TPRG1: variants seen among roughly 807,000 people sequenced by gnomAD.
TPRG1 encodes the protein tumor protein p63-regulated gene 1 protein.
In TPRG1, 29 loss-of-function variants were observed where a neutral mutation model predicts 29.3. The observed-to-expected ratio is 0.99, with a 90% confidence interval of 0.74 to 1.35. The LOEUF (loss-of-function observed/expected upper bound fraction) is 1.35. Ranked by LOEUF, TPRG1 falls within the 40% of genes most tolerant of loss-of-function variation. TPRG1 has a pLI of 0.00. For missense variants in TPRG1, 327 were observed against 335.0 expected (o/e 0.98, Z 0.19); for synonymous variants, 130 against 116.8 (o/e 1.11, Z -0.73).
chr3:189,008,105 G>A (rs1578184825), intron 3 of TPRG1, among the ~76,000 whole-genome samples: 1 of 150,846 alleles, frequency 6.6e-6, no homozygotes, highest in Non-Finnish European at 1.5e-5. Context: ...AATGATTCAA[G>A]GGATCCTACT....
At chr3:189,006,733 C>A (rs1712307214) in intron 3 of TPRG1, among the ~76,000 whole-genome samples, 1 of 152,024 alleles carries the variant, frequency 6.6e-6, no homozygotes, top group African/African-American at 2.4e-5. Flanking sequence ...GTAGTAATTT[C>A]TTTATATGCC....
intron 1 of TPRG1, among the ~76,000 whole-genome samples, chr3:189,179,187 ATTCT>A (rs1560518667): frequency 6.6e-6 from 1 of 152,116 alleles, no homozygotes; most frequent in African/African-American, 2.4e-5. Context: ...CACAGTTAAG[ATTCT>A]TTCTTTTTAC....
chr3:189,123,212 A>T (rs1722038107), intron 1 of TPRG1, among the ~76,000 whole-genome samples: 1 of 152,228 alleles, frequency 6.6e-6, no homozygotes, highest in Non-Finnish European at 1.5e-5. Context: ...TAGATGCAGC[A>T]ATAAAAAGAG....
rs1004399088 is a variant in TPRG1, at chr3:189,252,962, A to G, written c.479+14053A>G. Reference sequence around the variant, plus strand: ...ATTTTTAATTTCATTTACATATTGGAAAACAATACAGGGTGATTTGACAGG... The same window carrying G: ...ATTTTTAATTTCATTTACATATTGGGAAACAATACAGGGTGATTTGACAGG... On this transcript the variant is annotated intron_variant, in intron 4 of 5. Transcript: ENST00000345063. Among the ~76,000 whole-genome samples, 10 of 152,312 alleles carry G rather than the reference A, an allele frequency of 6.6e-5. No homozygotes were observed. The East Asian group carries it at 1.9e-3, about 29-fold the overall frequency.
At chr3:189,070,081 A>G (rs1445232325) in intron 4 of TPRG1, among the ~76,000 whole-genome samples, 1 of 152,060 alleles carries the variant, frequency 6.6e-6, no homozygotes, top group East Asian at 1.9e-4. Flanking sequence ...CTCCATTTCA[A>G]AAAAAGAAAA....
At chr3:189,056,078 TTCCTTCC>T (rs1715670541) in intron 4 of TPRG1, among the ~76,000 whole-genome samples, 1 of 129,940 alleles carries the variant, frequency 7.7e-6, no homozygotes, top group African/African-American at 2.8e-5. Flanking sequence ...CCTTCCTTCC[TTCCTTCC>T]TTCCTTCCTT....
At chr3:189,096,102 A>C (rs190536713), upstream of TPRG1, among the ~76,000 whole-genome samples, 50 of 152,360 alleles carry the variant, frequency 3.3e-4, no homozygotes, top group Admixed American at 1.2e-3. Flanking sequence ...TCTTGCAAAC[A>C]GTTATTAAAC....
At chr3:189,086,526 ATTT>A (rs111588968) in intron 4 of TPRG1, among the ~76,000 whole-genome samples, 3 of 137,214 alleles carry the variant, frequency 2.2e-5, no homozygotes, top group Admixed American at 7.3e-5. Flanking sequence ...CACCCAGCTA[ATTT>A]TTTTTTTTTT....
chr3:189,157,055 T>A (rs1726782861), intron 5 of TPRG1, among the ~76,000 whole-genome samples: 1 of 152,226 alleles, frequency 6.6e-6, no homozygotes, highest in African/African-American at 2.4e-5. Context: ...TGGTTTTGAC[T>A]GGCTTTGCTA....
At chr3:189,206,149 ATCTT>A (rs1412423555) in intron 1 of TPRG1, among the ~76,000 whole-genome samples, 3 of 69,506 alleles carry the variant, frequency 4.3e-5, no homozygotes, top group East Asian at 7.0e-4. Context: ...TTCCTTCTTT[ATCTT>A]TCTTCTCTTT....
chr3:189,204,947 T>TCACACACACACACACACA (rs35018569), intron 1 of TPRG1, among the ~76,000 whole-genome samples: 116 of 147,176 alleles, frequency 7.9e-4, no homozygotes, highest in African/African-American at 2.5e-3. Context: ...TCTCTCTCTC[T>TCACACACACACACACACA]CACACACACA....
chr3:189,073,423 GT>G (rs757855839), intron 4 of TPRG1, among the ~76,000 whole-genome samples: 20 of 152,126 alleles, frequency 1.3e-4, no homozygotes, highest in Non-Finnish European at 2.9e-4. Context: ...TTCAAGATTT[GT>G]TTGTAGTTCT....
intron 5 of TPRG1, among the ~76,000 whole-genome samples, chr3:189,316,797 C>A (rs979414392): frequency 2.6e-5 from 4 of 152,114 alleles, no homozygotes; most frequent in African/African-American, 9.7e-5. Flanking sequence ...TGCATAAAAG[C>A]TTTTAGGGAA....
chr3:189,054,498 C>T (rs771228416), intron 4 of TPRG1, among the ~76,000 whole-genome samples: 49 of 151,242 alleles, frequency 3.2e-4, no homozygotes, highest in Non-Finnish European at 5.9e-4. Context: ...TTATTTTTGG[C>T]GTGCCACAAA....
intron 4 of TPRG1, among the ~76,000 whole-genome samples, chr3:189,068,170 G>A (rs1716575371): frequency 6.6e-6 from 1 of 152,036 alleles, no homozygotes; most frequent in Non-Finnish European, 1.5e-5. Flanking sequence ...GGCAATTGCT[G>A]GCAAGAATGT....
intron 1 of TPRG1, among the ~76,000 whole-genome samples, chr3:189,186,845 C>T (rs563425132): frequency 1.1e-3 from 173 of 152,196 alleles, no homozygotes; most frequent in Middle Eastern, 6.8e-3. Flanking sequence ...AGGAATTCCC[C>T]ACTATCGCTA....
At chr3:189,058,193 C>T (rs1715861753) in intron 4 of TPRG1, among the ~76,000 whole-genome samples, 1 of 152,090 alleles carries the variant, frequency 6.6e-6, no homozygotes, top group Admixed American at 6.6e-5. Context: ...ACATATCACA[C>T]TTAGGAAGAG....
In TPRG1 at chr3:189,038,038, T is replaced by A. The variant is rs374206464; in HGVS notation, c.-463+14092T>A. Among the ~76,000 whole-genome samples the A allele has an allele frequency of 4.0e-5, 6 of 151,628 alleles. No homozygotes were observed. The East Asian group carries it at 9.7e-4, about 24-fold the overall frequency. The stretch of plus-strand genomic sequence containing the variant: ...TGTATAGAATTCCAATCAAAACTTA[T>A]ACAGAGAAACTTAGGTCTAAAATAT... On this transcript the variant is annotated intron_variant, in intron 4 of 10. Transcript: ENST00000433971.
At chr3:189,194,915 G>A (rs563722291) in intron 1 of TPRG1, among the ~76,000 whole-genome samples, 2 of 152,120 alleles carry the variant, frequency 1.3e-5, no homozygotes, top group Non-Finnish European at 2.9e-5. Flanking sequence ...AGGAAGAGGG[G>A]TGTCTCAGCA....
Sources: gnomAD v4.1 joint callset for allele counts (sites outside exome capture counted in the v4.1 genomes callset) on GRCh38, gnomAD v4.1.1 for gene constraint, MANE v1.5 for transcripts, NCBI Gene and HGNC (gene_info 2026-07-23, HGNC 2026-07-21) for gene names.